SAMMSON: variants seen among roughly 807,000 people sequenced by gnomAD.
The protein encoded by SAMMSON is long intergenic non-protein coding RNA 1212.
chr3:70,395,709 G>A (rs1254887517), intron 2 of SAMMSON, among the ~76,000 whole-genome samples: 4 of 152,022 alleles, frequency 2.6e-5, no homozygotes, highest in African/African-American at 4.8e-5. Flanking sequence ...GGACAGTCAC[G>A]TAATATATCT....
chr3:70,040,247 G>A (rs934491419), intron 3 of SAMMSON, among the ~76,000 whole-genome samples: 1 of 152,108 alleles, frequency 6.6e-6, no homozygotes, highest in African/African-American at 2.4e-5. Context: ...TGTCACCTGT[G>A]AATACTAAAC....
At chr3:70,010,767 G>A (rs1183573076) in intron 1 of SAMMSON, among the ~76,000 whole-genome samples, 3 of 152,068 alleles carry the variant, frequency 2.0e-5, no homozygotes, top group African/African-American at 7.2e-5. Flanking sequence ...CCGCATTGTC[G>A]GGGAGGCCTC....
chr3:70,287,870 T>C (rs1179914750), intron 6 of SAMMSON, among the ~76,000 whole-genome samples: 2 of 152,098 alleles, frequency 1.3e-5, no homozygotes, highest in Admixed American at 6.5e-5. Context: ...TATTCTCTGA[T>C]GGTAGTTTGT....
At chr3:70,192,877 C>G (rs1337332806) in intron 4 of SAMMSON, among the ~76,000 whole-genome samples, 4 of 152,180 alleles carry the variant, frequency 2.6e-5, no homozygotes, top group African/African-American at 9.7e-5. Context: ...ATAATTGAGA[C>G]TGACAGAATG....
intron 3 of SAMMSON, among the ~76,000 whole-genome samples, chr3:70,049,332 A>G (rs2067138281): frequency 6.6e-6 from 1 of 152,154 alleles, no homozygotes. Context: ...AAGGCTACCC[A>G]GAGGAAATAT....
chr3:70,070,072 C>A (rs780647963), intron 3 of SAMMSON: 12 of 151,976 alleles, frequency 7.9e-5, no homozygotes, highest in Non-Finnish European at 1.5e-4. Flanking sequence ...CCTCGGAGTG[C>A]GAAAATCCAA....
At chr3:70,400,273 T>C (rs1313730463) in intron 2 of SAMMSON, among the ~76,000 whole-genome samples, 1 of 152,146 alleles carries the variant, frequency 6.6e-6, no homozygotes, top group East Asian at 1.9e-4. Context: ...CCTGAAGATA[T>C]TAGAAGATGG....
chr3:70,226,334 A>G (rs1005710008), intron 4 of SAMMSON, among the ~76,000 whole-genome samples: 3 of 152,202 alleles, frequency 2.0e-5, no homozygotes, highest in African/African-American at 7.2e-5. Flanking sequence ...TGAGACGTAT[A>G]ACAGAGGCAC....
intron 4 of SAMMSON, among the ~76,000 whole-genome samples, chr3:70,168,809 C>G (rs2067648386): frequency 6.6e-6 from 1 of 151,920 alleles, no homozygotes; most frequent in Non-Finnish European, 1.5e-5. Flanking sequence ...ATTTCTTGTA[C>G]TATTCTAAAG....
intron 2 of SAMMSON, among the ~76,000 whole-genome samples, chr3:70,432,399 A>G (rs933651244): frequency 6.7e-6 from 1 of 149,762 alleles, no homozygotes; most frequent in Admixed American, 6.7e-5. Flanking sequence ...TTTGTCAAAT[A>G]TATATATATA....
chr3:70,296,317 T>C (rs1269978232), intron 7 of SAMMSON, among the ~76,000 whole-genome samples: 1 of 152,116 alleles, frequency 6.6e-6, no homozygotes, highest in Non-Finnish European at 1.5e-5. Context: ...GTTTATTGTC[T>C]TACTAAGTAA....
At chr3:70,211,806 ACCCTT>A (rs145589758) in intron 4 of SAMMSON, among the ~76,000 whole-genome samples, 989 of 56,972 alleles carry the variant, frequency 0.017, 6 homozygotes, top group African/African-American at 0.056. Context: ...TCCTTTCCTT[ACCCTT>A]CCCTTCCCTT....
intron 2 of SAMMSON, among the ~76,000 whole-genome samples, chr3:70,411,324 G>A (rs573964878): frequency 6.6e-5 from 10 of 152,190 alleles, no homozygotes; most frequent in Non-Finnish European, 1.0e-4. Context: ...AATAAGTGAA[G>A]TAGTTCTTGA....
intron 7 of SAMMSON, among the ~76,000 whole-genome samples, chr3:70,314,796 G>A (rs1559561942): frequency 6.6e-6 from 1 of 152,090 alleles, no homozygotes; most frequent in African/African-American, 2.4e-5. Context: ...ATATCTTCAT[G>A]TGCTTTCTAA....
chr3:70,105,702 A>G (rs2067364477), intron 4 of SAMMSON, among the ~76,000 whole-genome samples: 1 of 152,224 alleles, frequency 6.6e-6, no homozygotes, highest in African/African-American at 2.4e-5. Context: ...GCAAATTTTT[A>G]GCTATTTATG....
intron 3 of SAMMSON, among the ~76,000 whole-genome samples, chr3:70,045,076 T>C (rs1416835079): frequency 1.2e-5 from 1 of 84,176 alleles, no homozygotes; most frequent in African/African-American, 5.3e-5. Flanking sequence ...ATATTATAAT[T>C]AATATATATA....
At chr3:70,246,534 C>A (rs1447955221) in intron 4 of SAMMSON, among the ~76,000 whole-genome samples, 4 of 151,936 alleles carry the variant, frequency 2.6e-5, no homozygotes, top group Admixed American at 6.6e-5. Flanking sequence ...ACGAGATGCA[C>A]AATTTAATTT....
chr3:70,010,200 C>T (rs1285734062), intron 1 of SAMMSON, among the ~76,000 whole-genome samples: 1 of 151,920 alleles, frequency 6.6e-6, no homozygotes, highest in Non-Finnish European at 1.5e-5. Context: ...TCCTTGTTAA[C>T]TTTCTGTCTC....
intron 9 of SAMMSON, among the ~76,000 whole-genome samples, chr3:70,375,355 C>A (rs1703004978): frequency 6.7e-6 from 1 of 149,892 alleles, no homozygotes; most frequent in South Asian, 2.1e-4. Context: ...TGCTTCATGG[C>A]AACATTTTAT....
Sources: allele counts gnomAD v4.1 joint callset (sites outside exome capture counted in the v4.1 genomes callset), GRCh38; gene constraint gnomAD v4.1.1; transcripts MANE v1.5; gene names NCBI Gene and HGNC (gene_info 2026-07-23, HGNC 2026-07-21).